Variants in TNR observed in about 807,000 individuals in gnomAD.
The protein encoded by TNR is tenascin R.
In TNR, 45 loss-of-function variants were observed where a neutral mutation model predicts 150.4. The observed-to-expected ratio is 0.30, with a 90% CI of 0.24 to 0.38. The LOEUF is 0.38. TNR is among the 10% of genes least tolerant of loss of function. TNR has a pLI of 1.00. For missense variants in TNR, 1,544 were observed against 1,759.1 expected (o/e 0.88, Z 2.19); for synonymous variants, 687 against 678.4 (o/e 1.01, Z -0.20).
intron 1 of TNR, among the ~76,000 whole-genome samples, chr1:175,597,712 G>C (rs556050078): frequency 6.6e-6 from 1 of 152,134 alleles, no homozygotes; most frequent in Non-Finnish European, 1.5e-5. Context: ...TGGGGGCATG[G>C]GGGCCCTAGT....
At chr1:175,639,198 G>T (rs1664575795) in intron 1 of TNR, among the ~76,000 whole-genome samples, 1 of 152,158 alleles carries the variant, frequency 6.6e-6, no homozygotes, top group African/African-American at 2.4e-5. Context: ...ACACCACTGA[G>T]GAGAGCAAAG....
At chr1:175,636,380 G>A (rs1664491807) in intron 1 of TNR, among the ~76,000 whole-genome samples, 2 of 152,214 alleles carry the variant, frequency 1.3e-5, no homozygotes, top group South Asian at 4.2e-4. Context: ...TTCTCCCTGA[G>A]AGCCCCCTGC....
intron 18 of TNR, 68 bp from the exon 19 acceptor site, chr1:175,337,747 C>A: frequency 6.4e-7 from 1 of 1,566,434 alleles, no homozygotes. Flanking sequence ...CTCCTTGGAT[C>A]ATAGAAGGTC....
At chr1:175,493,757 G>A (rs116420440) in intron 2 of TNR, among the ~76,000 whole-genome samples, 1,908 of 152,284 alleles carry the variant, frequency 0.013, 48 homozygotes, top group African/African-American at 0.044. Flanking sequence ...CATGGGAGCC[G>A]GTGCCTGGGC....
chr1:175,643,353 T>TG (rs1244453606), intron 1 of TNR, among the ~76,000 whole-genome samples: 1 of 152,208 alleles, frequency 6.6e-6, no homozygotes, highest in African/African-American at 2.4e-5. Flanking sequence ...CAGGAGTTTT[T>TG]GGCTTTTAAA....
chr1:175,709,308 T>TAC (rs371591261), intron 1 of TNR, among the ~76,000 whole-genome samples: 13,583 of 127,696 alleles, frequency 0.11, 962 homozygotes, highest in African/African-American at 0.25. Flanking sequence ...CACACACACA[T>TAC]ACACACACAC....
At chr1:175,484,608 T>C (rs1247535095) in intron 2 of TNR, among the ~76,000 whole-genome samples, 1 of 152,208 alleles carries the variant, frequency 6.6e-6, no homozygotes, top group Non-Finnish European at 1.5e-5. Context: ...GTTTTTGTTC[T>C]CATGAAATTT....
chr1:175,733,819 C>T (rs1031335393), intron 1 of TNR, among the ~76,000 whole-genome samples: 6 of 152,108 alleles, frequency 3.9e-5, no homozygotes, highest in African/African-American at 9.7e-5. Flanking sequence ...GCTGGCCTCT[C>T]GAGGGTCCAG....
At chr1:175,585,753 C>T (rs1321347246) in intron 1 of TNR, among the ~76,000 whole-genome samples, 2 of 152,146 alleles carry the variant, frequency 1.3e-5, no homozygotes, top group Non-Finnish European at 2.9e-5. Flanking sequence ...GTCAGCCTCC[C>T]ACTTCCTTCC....
At chr1:175,638,205 T>A (rs1241853669) in intron 1 of TNR, among the ~76,000 whole-genome samples, 1 of 152,248 alleles carries the variant, frequency 6.6e-6, no homozygotes, top group African/African-American at 2.4e-5. Flanking sequence ...CTTCTTTTTA[T>A]ACAGAATCCT....
rs1419708359 is a variant in TNR at position 175,321,216 on chromosome 1, C to G, written c.*2141G>C. On this transcript the variant is annotated 3_prime_UTR_variant, in exon 23 of 23. Coordinates refer to ENST00000367674, the MANE Select transcript of TNR (RefSeq NM_003285.3). The stretch of plus-strand genomic sequence containing the variant: ...GAAGCCCATGGTTAACTGAGAAATG[C>G]AAGTGGTGCCTAGGTTTTTCAGGGT... The G allele has an allele frequency of 6.6e-6, 1 of 152,218 alleles. No individual in the cohort carries two copies. The highest frequency in any genetic ancestry group is 2.4e-5 in the African/African-American group (1 of 41,452). 9.4% of individuals were successfully genotyped at this position (152,218 alleles called of 1,614,324 possible).
At chr1:175,378,242 G>A (rs1206139008) in intron 9 of TNR, among the ~76,000 whole-genome samples, 3 of 152,178 alleles carry the variant, frequency 2.0e-5, no homozygotes, top group Non-Finnish European at 2.9e-5. Flanking sequence ...GCATGACTCG[G>A]CTCTCATTTT....
intron 2 of TNR, among the ~76,000 whole-genome samples, chr1:175,432,012 C>A (rs1655294503): frequency 6.7e-6 from 1 of 148,320 alleles, no homozygotes; most frequent in Non-Finnish European, 1.5e-5. Context: ...CTTGTTTCCC[C>A]AGCTGGCAAG....
chr1:175,548,894 G>A (rs1367569147), intron 1 of TNR, among the ~76,000 whole-genome samples: 1 of 152,172 alleles, frequency 6.6e-6, no homozygotes, highest in Admixed American at 6.5e-5. Context: ...TTCCAGTCAA[G>A]GTTTCTGGAA....
At chr1:175,520,338 A>G (rs1429157876) in intron 2 of TNR, among the ~76,000 whole-genome samples, 1 of 152,220 alleles carries the variant, frequency 6.6e-6, no homozygotes, top group African/African-American at 2.4e-5. Flanking sequence ...GACTCAGCAG[A>G]GAAGCGTGGC....
chr1:175,546,178 C>T (rs1441772188), intron 1 of TNR, among the ~76,000 whole-genome samples: 1 of 152,176 alleles, frequency 6.6e-6, no homozygotes, highest in Non-Finnish European at 1.5e-5. Flanking sequence ...GGAAGCCAAG[C>T]TCATTTTTGT....
At chr1:175,641,455 T>C (rs1216689058) in intron 1 of TNR, among the ~76,000 whole-genome samples, 2 of 152,164 alleles carry the variant, frequency 1.3e-5, no homozygotes, top group Non-Finnish European at 1.5e-5. Context: ...AGTGTCCTTA[T>C]AGGGAGGACA....
At chr1:175,711,517 C>T (rs534942604) in intron 1 of TNR, among the ~76,000 whole-genome samples, 2 of 152,238 alleles carry the variant, frequency 1.3e-5, no homozygotes, top group South Asian at 2.1e-4. Flanking sequence ...GTGGAAGATT[C>T]GGGGCAGGGG....
intron 1 of TNR, among the ~76,000 whole-genome samples, chr1:175,582,680 GACCAC>G (rs1220799455): frequency 2.0e-5 from 3 of 152,152 alleles, no homozygotes; most frequent in Non-Finnish European, 2.9e-5. Context: ...GGACCCAGAG[GACCAC>G]ACCACTATGG....
Sources: gnomAD v4.1 joint callset for allele counts (sites outside exome capture counted in the v4.1 genomes callset) on GRCh38, gnomAD v4.1.1 for gene constraint, MANE v1.5 for transcripts, NCBI Gene and HGNC (gene_info 2026-07-23, HGNC 2026-07-21) for gene names.